The following TUSC3 variants were observed in gnomAD, a reference collection of about 807,000 sequenced individuals.
TUSC3 encodes the protein dolichyl-diphosphooligosaccharide--protein glycosyltransferase subunit TUSC3.
Under a neutral mutation model 44.8 loss-of-function variants are expected in TUSC3, and 45 were observed. The ratio of observed to expected loss-of-function variants is 1.00; its 90% CI spans 0.79 to 1.29. TUSC3 has a LOEUF of 1.29. TUSC3 is among the 50% of genes most tolerant of loss of function. The pLI is 0.00. For synonymous variants in TUSC3, 212 were observed against 152.9 expected (o/e 1.39, Z -2.85); for missense variants, 519 against 437.9 (o/e 1.19, Z -1.65).
chr8:15,535,714 C>A (rs1444820126), upstream of TUSC3, among the ~76,000 whole-genome samples: 2 of 152,052 alleles, frequency 1.3e-5, no homozygotes, highest in Non-Finnish European at 2.9e-5. Flanking sequence ...ATAAATGAAA[C>A]AATAGCATGT....
At chr8:15,742,909 A>G (rs1479612193) in intron 7 of TUSC3, among the ~76,000 whole-genome samples, 1 of 152,240 alleles carries the variant, frequency 6.6e-6, no homozygotes, top group East Asian at 1.9e-4. Flanking sequence ...GAATATATCC[A>G]TCCTGTTGCA....
chr8:15,814,855 T>A, the TUSC3 span, among the ~76,000 whole-genome samples: 4 of 152,168 alleles, frequency 2.6e-5, no homozygotes, highest in African/African-American at 9.7e-5. Flanking sequence ...AGGATTCAAG[T>A]ATATAAATGT....
chr8:15,421,359 A>ACACT (rs567045268), intron 1 of TUSC3, among the ~76,000 whole-genome samples: 3 of 152,076 alleles, frequency 2.0e-5, no homozygotes, highest in Non-Finnish European at 2.9e-5. Context: ...AACACAGGAG[A>ACACT]CACTACCTTT....
chr8:15,774,384 T>C, the TUSC3 span, among the ~76,000 whole-genome samples: 3 of 152,176 alleles, frequency 2.0e-5, no homozygotes, highest in East Asian at 1.9e-4. Flanking sequence ...GGTGCCCTTG[T>C]AAGAAGGAAG....
chr8:15,534,609 C>T (rs1801496518), intron 2 of TUSC3, among the ~76,000 whole-genome samples: 1 of 148,966 alleles, frequency 6.7e-6, no homozygotes, highest in Non-Finnish European at 1.5e-5. Flanking sequence ...CGCCACTGCA[C>T]TCCAGCCTAG....
chr8:15,526,643 T>C (rs28391156), intron 2 of TUSC3, among the ~76,000 whole-genome samples: 12,504 of 152,226 alleles, frequency 0.082, 1,038 homozygotes, highest in African/African-American at 0.22. Context: ...TTTCGCCTTC[T>C]GCCATGATTG....
intron 6 of TUSC3, among the ~76,000 whole-genome samples, chr8:15,714,465 A>T (rs543586090): frequency 1.3e-5 from 2 of 152,170 alleles, no homozygotes; most frequent in Non-Finnish European, 2.9e-5. Context: ...ACTACATTTT[A>T]TATAGTTGTT....
chr8:15,539,020 T>A (rs1801581668), upstream of TUSC3, among the ~76,000 whole-genome samples: 1 of 137,808 alleles, frequency 7.3e-6, no homozygotes, highest in Admixed American at 7.1e-5. Context: ...CAGCTGTTAA[T>A]TTTTTTTTTT....
chr8:15,618,158 C>T (rs2410280), intron 1 of TUSC3, among the ~76,000 whole-genome samples: 125,991 of 152,140 alleles, frequency 0.83, 52,397 homozygotes, highest in Non-Finnish European at 0.87. Flanking sequence ...AAGTCAGTAG[C>T]GGTGAGTGAG....
intron 2 of TUSC3, among the ~76,000 whole-genome samples, chr8:15,529,097 A>G (rs1482044736): frequency 6.6e-6 from 1 of 152,228 alleles, no homozygotes; most frequent in African/African-American, 2.4e-5. Context: ...GAGATAACCA[A>G]ATGTTCAATA....
Position 15,615,890 on chromosome 8 carries a change from G to A in TUSC3, c.139-7190G>A, listed in dbSNP as rs1006824235. Among the ~76,000 whole-genome samples, 8 of 152,186 alleles carry A rather than the reference G, an allele frequency of 5.3e-5. No individual in the cohort carries two copies. The East Asian group carries it at 1.4e-3, about 26-fold the overall frequency. ...GATATAAACATGTAGTTAGATAGAA[G>A]GAATAAGTTCCACAGTTCCGTGGCT... On this transcript the variant is annotated intron_variant, in intron 1 of 10. Transcript: ENST00000503731.
intron 2 of TUSC3, among the ~76,000 whole-genome samples, chr8:15,628,964 A>T (rs1805637371): frequency 6.6e-6 from 1 of 152,234 alleles, no homozygotes; most frequent in African/African-American, 2.4e-5. Context: ...GGGAAAGTTG[A>T]CAAACTGGTT....
At chr8:15,661,996 A>G (rs1023241900) in intron 4 of TUSC3, among the ~76,000 whole-genome samples, 160 bp from the exon 5 acceptor site, 7 of 152,060 alleles carry the variant, frequency 4.6e-5, no homozygotes, top group Non-Finnish European at 8.8e-5. Context: ...CTTAAGGCAT[A>G]TATCTTATGG....
intron 2 of TUSC3, 138 bp downstream of exon 2, chr8:15,623,387 C>A: frequency 1.1e-6 from 1 of 928,324 alleles, no homozygotes; most frequent in Non-Finnish European, 1.5e-6. Flanking sequence ...TAAAAATAAG[C>A]TGAAAAATCA....
chr8:15,447,379 C>A (rs1000632292), intron 1 of TUSC3, among the ~76,000 whole-genome samples: 2 of 152,010 alleles, frequency 1.3e-5, no homozygotes, highest in African/African-American at 4.8e-5. Flanking sequence ...TAAATGAAAG[C>A]ACATGAATGA....
intron 1 of TUSC3, among the ~76,000 whole-genome samples, chr8:15,598,415 C>T (rs762273308): frequency 9.9e-5 from 15 of 151,874 alleles, no homozygotes; most frequent in Non-Finnish European, 2.1e-4. Context: ...TATCAGTATT[C>T]CTACCAATGT....
In TUSC3 at chr8:15,623,180, C is replaced by T. The variant is rs146702728; in HGVS notation, c.239C>T (p.Pro80Leu). 48 of 1,613,496 alleles carry T rather than the reference C, an allele frequency of 3.0e-5. No individual in the cohort carries two copies. Among genetic ancestry groups the T allele is most frequent in the Non-Finnish European group, 3.7e-5 (44 of 1,179,798 alleles). The change falls in exon 2 of 11, where the codon CCA (proline) becomes CTA (leucine). Residue 80 changes from proline (P) to leucine (L), a missense_variant. Coordinates refer to ENST00000503731, the MANE Select transcript of TUSC3 (RefSeq NM_006765.4). ...AAATTCCGAAAATTTATAAAGGCAC[C>T]ACCTCGAAACTATTCCATGATTGTT... is the stretch of plus-strand genomic sequence containing the variant. ...GDKFRKFIKA[P>L]PRNYSMIVMF...
At chr8:15,648,364 C>T (rs1028819649) in intron 2 of TUSC3, among the ~76,000 whole-genome samples, 5 of 151,904 alleles carry the variant, frequency 3.3e-5, no homozygotes, top group South Asian at 2.1e-4. Flanking sequence ...CTGGGTATGT[C>T]GAGAATACAA....
intron 1 of TUSC3, among the ~76,000 whole-genome samples, chr8:15,450,667 C>T (rs1908466): frequency 0.5 from 75,558 of 152,006 alleles, 22,080 homozygotes; most frequent in East Asian, 0.68. Context: ...GAGACTCGGT[C>T]TCAAAAATAA....
Sources: allele counts gnomAD v4.1 joint callset (sites outside exome capture counted in the v4.1 genomes callset), GRCh38; gene constraint gnomAD v4.1.1; transcripts MANE v1.5; gene names NCBI Gene and HGNC (gene_info 2026-07-23, HGNC 2026-07-21).